The following GPATCH2 variants were observed in gnomAD, a reference collection of about 807,000 sequenced individuals.
GPATCH2 encodes the protein G-patch domain containing 2.
GPATCH2 carries 51 observed loss-of-function variants against 58.0 expected under a neutral mutation model. That is an observed-to-expected ratio of 0.88 (90% CI 0.70 to 1.11). The LOEUF (loss-of-function observed/expected upper bound fraction) is 1.11, where lower values mean the gene tolerates loss of function less well. Among genes scored for constraint, GPATCH2 ranks in the 50% most tolerant of loss-of-function variants. The probability of loss-of-function intolerance (pLI) is 0.00; values close to 1 mark genes in which losing one functional copy is unlikely to be tolerated. For synonymous variants in GPATCH2, 222 were observed against 218.5 expected (o/e 1.02, Z -0.14); for missense variants, 625 against 652.2 (o/e 0.96, Z 0.45).
chr1:217,479,172 A>G (rs1343912218), intron 8 of GPATCH2, among the ~76,000 whole-genome samples: 1 of 152,202 alleles, frequency 6.6e-6, no homozygotes, highest in East Asian at 1.9e-4. Context: ...TTAATGAGCA[A>G]TAAGAAATCA....
rs940428807 is a variant in GPATCH2, at chr1:217,430,993, C to T, written c.*152G>A. ...TGAATTGTGATGAAATCCCATTTCT[C>T]TCACTATGGCAGGACTGTATGCAGT... is the stretch of plus-strand genomic sequence containing the variant. On this transcript the variant is annotated 3_prime_UTR_variant, in exon 10 of 10. Coordinates refer to ENST00000366935, the MANE Select transcript of GPATCH2 (RefSeq NM_018040.5). 12 of 624,158 alleles carry T rather than the reference C, an allele frequency of 1.9e-5. No homozygotes were observed. The highest frequency in any genetic ancestry group is 3.2e-5 in the Non-Finnish European group (11 of 347,634). 38.7% of individuals were successfully genotyped at this position (624,158 alleles called of 1,614,324 possible).
intron 5 of GPATCH2, among the ~76,000 whole-genome samples, chr1:217,528,456 C>T (rs552827991): frequency 8.2e-4 from 125 of 152,280 alleles, no homozygotes; most frequent in Non-Finnish European, 9.1e-4. Context: ...CTTCTGCCTA[C>T]GATGACTAGG....
At chr1:217,516,218 T>A in intron 5 of GPATCH2, among the ~76,000 whole-genome samples, 1 of 56,708 alleles carries the variant, frequency 1.8e-5, no homozygotes, top group Admixed American at 2.0e-4. Context: ...TAAGTTATGT[T>A]CCATTTTAAT....
At chr1:217,583,570 C>CAAAAAAAAA (rs60392448) in intron 5 of GPATCH2, among the ~76,000 whole-genome samples, 1 of 65,228 alleles carries the variant, frequency 1.5e-5, no homozygotes, top group African/African-American at 6.2e-5. Flanking sequence ...GACTCTGTCT[C>CAAAAAAAAA]AAAAAAAAAA....
intron 8 of GPATCH2, among the ~76,000 whole-genome samples, chr1:217,484,666 T>A: frequency 6.7e-6 from 1 of 149,910 alleles, no homozygotes; most frequent in South Asian, 2.1e-4. Flanking sequence ...TATACTTATA[T>A]ATACACGTGT....
At chr1:217,618,290 AT>A (rs1338911715) in intron 2 of GPATCH2, among the ~76,000 whole-genome samples, 2 of 148,288 alleles carry the variant, frequency 1.3e-5, no homozygotes, top group Non-Finnish European at 3.0e-5. Flanking sequence ...GATGTCTGTA[AT>A]CTCCGCCTCC....
intron 9 of GPATCH2, among the ~76,000 whole-genome samples, chr1:217,436,922 T>G (rs149447116): frequency 1.3e-5 from 2 of 152,284 alleles, no homozygotes; most frequent in Admixed American, 6.5e-5. Context: ...CATTTTCTGA[T>G]GCATGGGGAG....
Position 217,493,847 on chromosome 1 carries a change from T to A in GPATCH2, c.1207-2097A>T, listed in dbSNP as rs569132401. Among the ~76,000 whole-genome samples, 3 of 152,246 alleles carry A rather than the reference T, an allele frequency of 2.0e-5. No individual in the cohort carries two copies. In the East Asian group the frequency reaches 5.8e-4, roughly 29 times the overall value. ...TTAAATTAATAATAATAGTTAATAGTTAATTATGTTTTCTAATTCTAAGAT... is the reference window on the plus strand; with the variant it reads ...TTAAATTAATAATAATAGTTAATAGATAATTATGTTTTCTAATTCTAAGAT... On this transcript the variant is annotated intron_variant, in intron 7 of 9. Coordinates refer to ENST00000366935, the MANE Select transcript of GPATCH2 (RefSeq NM_018040.5).
chr1:217,431,296 C>A lies in GPATCH2; in HGVS notation c.1436G>T (p.Gly479Val), dbSNP rs1188887005. Residue 479 changes from glycine to valine, a missense_variant, in exon 10 of 10, where the codon GGC becomes GTC. Coordinates refer to ENST00000366935, the MANE Select transcript of GPATCH2 (RefSeq NM_018040.5). ...NIGNRMLQNM[G>V]WTPGSGLGRD... ...TCCAAGGCCTGACCCAGGCGTCCAG[C>A]CCATATTCTGAAGCATTCGGTTTCC... The A allele has an allele frequency of 1.2e-6, 2 of 1,608,214 alleles. No homozygotes were observed. Among genetic ancestry groups the A allele is most frequent in the African/African-American group, 2.7e-5 (2 of 74,802 alleles).
chr1:217,578,462 G>C lies in GPATCH2; in HGVS notation c.1098+31859C>G, dbSNP rs78759976. Among the ~76,000 whole-genome samples, 1,218 of 152,224 alleles carry C rather than the reference G, an allele frequency of 8.0e-3. 14 individuals carry two copies. The highest frequency in any genetic ancestry group is 0.027 in the African/African-American group (1,104 of 41,536). On this transcript the variant is annotated intron_variant, in intron 5 of 9. Transcript: ENST00000366935. ...GAGACAGGCCTCACTATGATGCCCA[G>C]GGTGGTCCTGAACTCCTGGATTCAA... is the stretch of plus-strand genomic sequence containing the variant.
intron 5 of GPATCH2, among the ~76,000 whole-genome samples, chr1:217,591,310 C>CGT (rs930154234): frequency 2.6e-5 from 4 of 151,582 alleles, no homozygotes; most frequent in Admixed American, 6.6e-5. Context: ...ATTGTGTGTA[C>CGT]GTGTGTGTGT....
intron 5 of GPATCH2, among the ~76,000 whole-genome samples, chr1:217,604,277 G>A (rs1668253118): frequency 6.6e-6 from 1 of 151,392 alleles, no homozygotes; most frequent in Non-Finnish European, 1.5e-5. Context: ...CTTGAACCCG[G>A]GAGGCAGAGG....
chr1:217,516,998 G>A (rs916736142), intron 5 of GPATCH2, among the ~76,000 whole-genome samples: 11 of 152,190 alleles, frequency 7.2e-5, no homozygotes, highest in African/African-American at 2.4e-4. Flanking sequence ...GCAACTGAAT[G>A]CAATAAAACA....
intron 5 of GPATCH2, among the ~76,000 whole-genome samples, chr1:217,565,217 A>C (rs1666158805): frequency 6.6e-6 from 1 of 152,216 alleles, no homozygotes; most frequent in Admixed American, 6.5e-5. Flanking sequence ...CTTTAGTCCA[A>C]CGCTTAAATC....
intron 5 of GPATCH2, among the ~76,000 whole-genome samples, chr1:217,545,125 T>A: frequency 6.6e-6 from 1 of 152,182 alleles, no homozygotes; most frequent in East Asian, 1.9e-4. Context: ...TCTCTCTCTT[T>A]CCCTTGAAAG....
At chr1:217,495,304 A>G (rs1027124760) in intron 7 of GPATCH2, among the ~76,000 whole-genome samples, 1 of 152,184 alleles carries the variant, frequency 6.6e-6, no homozygotes, top group African/African-American at 2.4e-5. Context: ...GGCAAAGAGC[A>G]GAATTCTCAT....
At chr1:217,540,065 T>C (rs1000931368) in intron 5 of GPATCH2, among the ~76,000 whole-genome samples, 65 of 152,320 alleles carry the variant, frequency 4.3e-4, no homozygotes, top group African/African-American at 1.5e-3. Flanking sequence ...TGCATTTCTT[T>C]AGAGAGTTTT....
intron 5 of GPATCH2, among the ~76,000 whole-genome samples, chr1:217,582,199 T>C (rs1161526265): frequency 6.6e-6 from 1 of 152,134 alleles, no homozygotes; most frequent in East Asian, 1.9e-4. Flanking sequence ...TCCTGTGCCA[T>C]TCCCCGCTGC....
chr1:217,483,733 G>T (rs1193696526), intron 8 of GPATCH2, among the ~76,000 whole-genome samples: 2 of 152,166 alleles, frequency 1.3e-5, no homozygotes, highest in Non-Finnish European at 2.9e-5. Context: ...AATGAGTAAT[G>T]ATGTTTAACA....
Sources: allele counts gnomAD v4.1 joint callset (sites outside exome capture counted in the v4.1 genomes callset), GRCh38; gene constraint gnomAD v4.1.1; transcripts MANE v1.5; gene names NCBI Gene and HGNC (gene_info 2026-07-23, HGNC 2026-07-21).